ELOB: variants seen among roughly 807,000 people sequenced by gnomAD.
ELOB encodes elongin-B.
Under a neutral mutation model 12.9 loss-of-function variants are expected in ELOB, and 3 were observed. The observed-to-expected ratio is 0.23, with a 90% CI of 0.11 to 0.60. The LOEUF (loss-of-function observed/expected upper bound fraction) is 0.60, where lower values mean the gene tolerates loss of function less well. Ranked by LOEUF, ELOB falls within the 20% of genes least tolerant of loss-of-function variation. The pLI, the probability that ELOB is intolerant of heterozygous loss-of-function variation, is 0.89. For missense variants in ELOB, 126 were observed against 159.2 expected (o/e 0.79, Z 1.12); for synonymous variants, 84 against 67.4 (o/e 1.25, Z -1.21).
rs1478285566 is a variant in ELOB at position 2,777,106 on chromosome 16, G to A, written c.25C>T (p.Arg9Cys). 1.9e-6 allele frequency: 3 copies of A among 1,589,428 alleles called. No homozygotes were observed. Among genetic ancestry groups the A allele is most frequent in the Non-Finnish European group, 2.6e-6 (3 of 1,169,876 alleles). The part of the protein sequence containing the change: MDVFLMIR[R>C]HKTTIFTDAK... ...TCCGTGAAGATGGTGGTCTTGTGGC[G>A]CCGGATCATGAGGAACACGTCCTGG... Residue 9 changes from arginine to cysteine, a missense_variant, in exon 2 of 4, where the codon CGC (arginine) becomes TGC (cysteine). Arg to Cys is a radical substitution (Grantham distance 180). Transcript: ENST00000409906.
At position 2,771,863 on chromosome 16, in the gene ELOB, A is replaced by C; in HGVS notation, c.*127T>G. On this transcript the variant is annotated 3_prime_UTR_variant, in exon 4 of 4. Transcript: ENST00000409906. ...GAGACAGGACAGCACAGGAACTGCC[A>C]AGCACAAGCCCCAAAAGGAGCCCAC... 1 of 1,464,842 alleles carries C rather than the reference A, an allele frequency of 6.8e-7. No individual in the cohort carries two copies. Among genetic ancestry groups the C allele is most frequent in the Non-Finnish European group, 9.0e-7 (1 of 1,108,468 alleles). 90.7% of individuals were successfully genotyped at this position (1,464,842 alleles called of 1,614,324 possible). A position where few individuals can be genotyped will look rare whatever the true frequency, so the allele number is the denominator to read the frequency against.
intron 3 of ELOB, 107 bp downstream of exon 3, chr16:2,775,344 A>G: frequency 4.7e-6 from 3 of 639,160 alleles, no homozygotes; most frequent in Non-Finnish European, 7.6e-6. Context: ...CACGAGGAAG[A>G]CACTGCCCTG....
intron 3 of ELOB, among the ~76,000 whole-genome samples, chr16:2,774,005 G>A (rs561336641): frequency 1.3e-5 from 2 of 152,300 alleles, no homozygotes; most frequent in East Asian, 3.9e-4. Context: ...TGGGATGTAT[G>A]GATCGCCTGA....
Position 2,776,985 on chromosome 16 carries a change from G to A in ELOB, c.138+8C>T. 1.3e-6 allele frequency: 2 copies of A among 1,566,188 alleles called. No homozygotes were observed. Among genetic ancestry groups the A allele is most frequent in the South Asian group, 1.2e-5 (1 of 85,740 alleles). ...ACCCGCTCCCCTCGGCCCGCCCGCG[G>A]GACCCACCTTGTACAGCCGCTGCTC... On this transcript the variant is annotated splice_region_variant and intron_variant, in intron 2 of 3. Coordinates refer to ENST00000409906, the MANE Select transcript of ELOB (RefSeq NM_007108.4).
rs554418887 is a variant in ELOB at position 2,776,236 on chromosome 16, A to G, written c.139-680T>C. Among the ~76,000 whole-genome samples the G allele has an allele frequency of 1.2e-4, 19 of 152,314 alleles. No homozygotes were observed. The South Asian group carries it at 3.9e-3, about 32-fold the overall frequency. ...CATTTAATATTTGCTAAGTCCCAGT[A>G]GTTATGAGTGAGGAAAGGCCTTTAG... On this transcript the variant is annotated intron_variant, in intron 2 of 3. Transcript: ENST00000409906.
chr16:2,775,044 G>A lies in ELOB; in HGVS notation c.244+407C>T, dbSNP rs77319255. Reference sequence around the variant, plus strand: ...GGGCCCGGCAGTCAGCATCCTAACCGTGGCTCCCTACGTGACTGCTGGTAA... The same window carrying A: ...GGGCCCGGCAGTCAGCATCCTAACCATGGCTCCCTACGTGACTGCTGGTAA... On this transcript the variant is annotated intron_variant, in intron 3 of 3. Coordinates refer to ENST00000409906, the MANE Select transcript of ELOB (RefSeq NM_007108.4). Among the ~76,000 whole-genome samples, 13 of 152,250 alleles carry A rather than the reference G, an allele frequency of 8.5e-5. No individual in the cohort carries two copies. In the East Asian group the frequency reaches 2.5e-3, roughly 29 times the overall value.
intron 2 of ELOB, among the ~76,000 whole-genome samples, chr16:2,776,404 A>G (rs141375414): frequency 2.4e-4 from 36 of 152,290 alleles, no homozygotes; most frequent in East Asian, 3.9e-4. Context: ...TGACTCCCCA[A>G]TGCAGACCCC....
chr16:2,776,598 G>T (rs1273196526), intron 2 of ELOB, among the ~76,000 whole-genome samples: 3 of 152,226 alleles, frequency 2.0e-5, no homozygotes, highest in African/African-American at 7.2e-5. Flanking sequence ...TGTCCGGGGG[G>T]ACAGCGTGAT....
In ELOB at chr16:2,771,886, C is replaced by CA; in HGVS notation, c.*103dup. ...CCAAGCACAAGCCCCAAAAGGAGCC[C>CA]ACAGGGAGTGGGACCCATCCCAGGG... On this transcript the variant is annotated 3_prime_UTR_variant, in exon 4 of 4. Coordinates refer to ENST00000409906, the MANE Select transcript of ELOB (RefSeq NM_007108.4). 6.7e-7 allele frequency: 1 copy of CA among 1,484,530 alleles called. No individual in the cohort carries two copies. Among genetic ancestry groups the CA allele is most frequent in the Non-Finnish European group, 9.0e-7 (1 of 1,115,090 alleles). The allele number at this position is 1,484,530 out of a possible 1,614,324, so 92.0% of individuals were successfully genotyped here. A position where few individuals can be genotyped will look rare whatever the true frequency, so the allele number is the denominator to read the frequency against.
Position 2,771,889 on chromosome 16 carries a change from A to C in ELOB, c.*101T>G, listed in dbSNP as rs541577008. 6.7e-7 allele frequency: 1 copy of C among 1,487,050 alleles called. No homozygotes were observed. The highest frequency in any genetic ancestry group is 2.5e-5 in the East Asian group (1 of 40,458). The allele number at this position is 1,487,050 out of a possible 1,614,324, so 92.1% of individuals were successfully genotyped here. On this transcript the variant is annotated 3_prime_UTR_variant, in exon 4 of 4. Transcript: ENST00000409906. The stretch of plus-strand genomic sequence containing the variant: ...AGCACAAGCCCCAAAAGGAGCCCAC[A>C]GGGAGTGGGACCCATCCCAGGGAGG...
At chr16:2,777,170 C>T (rs542432329) in intron 1 of ELOB, 43 bp from the exon 2 acceptor site, 12 of 1,175,916 alleles carry the variant, frequency 1.0e-5, no homozygotes, top group South Asian at 8.2e-5. Flanking sequence ...CCGGGCCCCC[C>T]GCGCGGCCCA....
Position 2,771,815 on chromosome 16 carries a change from T to TCAGC in ELOB, c.*171_*174dup, listed in dbSNP as rs2068756936. 6.9e-7 allele frequency: 1 copy of TCAGC among 1,450,934 alleles called. No homozygotes were observed. The allele number at this position is 1,450,934 out of a possible 1,614,324, so 89.9% of individuals were successfully genotyped here. The stretch of plus-strand genomic sequence containing the variant: ...TTAAGCAGCAGGCTGGGCCAAGTTC[T>TCAGC]CAGCCAGGGTCTCAGGATCTGGGAG... On this transcript the variant is annotated 3_prime_UTR_variant, in exon 4 of 4. Coordinates refer to ENST00000409906, the MANE Select transcript of ELOB (RefSeq NM_007108.4).
rs1300156045 is a variant in ELOB at position 2,771,754 on chromosome 16, T to C, written c.*236A>G. 2 of 1,506,046 alleles carry C rather than the reference T, an allele frequency of 1.3e-6. No homozygotes were observed. Among genetic ancestry groups the C allele is most frequent in the Non-Finnish European group, 8.8e-7 (1 of 1,131,822 alleles). The allele number at this position is 1,506,046 out of a possible 1,614,324, so 93.3% of individuals were successfully genotyped here. A position where few individuals can be genotyped will look rare whatever the true frequency, so the allele number is the denominator to read the frequency against. ...TGGCTGGCTAGCTGCTAACAATGGC[T>C]TGGGTCTCAGGGCAACCCAGGTCCC... is the stretch of plus-strand genomic sequence containing the variant. On this transcript the variant is annotated 3_prime_UTR_variant, in exon 4 of 4. Transcript: ENST00000409906.
chr16:2,776,029 T>C (rs2068797920), intron 2 of ELOB, among the ~76,000 whole-genome samples: 1 of 152,180 alleles, frequency 6.6e-6, no homozygotes, highest in Admixed American at 6.6e-5. Context: ...TAGCTGGGAC[T>C]ACAGGACCAT....
chr16:2,773,502 GT>G (rs1267997240), intron 3 of ELOB, among the ~76,000 whole-genome samples: 1 of 152,174 alleles, frequency 6.6e-6, no homozygotes, highest in Non-Finnish European at 1.5e-5. Context: ...TCCTTGAGTG[GT>G]AAGCTTGGGG....
chr16:2,772,236 A>G (rs1378299229), intron 3 of ELOB, 134 bp from the exon 4 acceptor site: 2 of 1,089,904 alleles, frequency 1.8e-6, no homozygotes, highest in South Asian at 1.8e-5. Context: ...TGTAGTCTCC[A>G]CAGCGCTGAC....
At chr16:2,772,236 A>C (rs1378299229) in intron 3 of ELOB, 134 bp from the exon 4 acceptor site, 3 of 1,089,904 alleles carry the variant, frequency 2.8e-6, no homozygotes, top group Non-Finnish European at 3.8e-6. Context: ...TGTAGTCTCC[A>C]CAGCGCTGAC....
rs758913464 is a variant in ELOB at position 2,771,464 on chromosome 16, C to T, written c.*526G>A. On this transcript the variant is annotated 3_prime_UTR_variant, in exon 4 of 4. Transcript: ENST00000409906. ...GTGTGTTAAGGGGGCAGCCACTTCC[C>T]TCCGTGATTACAGCCCCCAGCGTGG... 1.2e-6 allele frequency: 2 copies of T among 1,614,080 alleles called. No individual in the cohort carries two copies. The highest frequency in any genetic ancestry group is 1.7e-6 in the Non-Finnish European group (2 of 1,180,020).
At chr16:2,772,210 C>A (rs548595706) in intron 3 of ELOB, 108 bp from the exon 4 acceptor site, 15 of 1,306,520 alleles carry the variant, frequency 1.1e-5, no homozygotes, top group Non-Finnish European at 1.5e-5. Flanking sequence ...TCCATGCGAA[C>A]GCCCCTCCAC....
Sources: gnomAD v4.1 joint callset for allele counts (sites outside exome capture counted in the v4.1 genomes callset) on GRCh38, gnomAD v4.1.1 for gene constraint, MANE v1.5 for transcripts, NCBI Gene and HGNC (gene_info 2026-07-23, HGNC 2026-07-21) for gene names.